The following STK39 variants were observed in gnomAD, a reference collection of about 807,000 sequenced individuals.
STK39 encodes the protein serine/threonine kinase 39.
Under a neutral mutation model 77.8 loss-of-function variants are expected in STK39, and 20 were observed. The observed-to-expected ratio is 0.26, with a 90% CI of 0.18 to 0.37. The LOEUF is 0.37. Ranked by LOEUF, STK39 falls within the 10% of genes least tolerant of loss-of-function variation. The pLI, the probability that STK39 is intolerant of heterozygous loss-of-function variation, is 1.00. For synonymous variants in STK39, 246 were observed against 234.1 expected (o/e 1.05, Z -0.47); for missense variants, 479 against 656.5 (o/e 0.73, Z 2.95).
chr2:168,186,540 A>G (rs1243130898), intron 1 of STK39, among the ~76,000 whole-genome samples: 1 of 152,188 alleles, frequency 6.6e-6, no homozygotes, highest in Admixed American at 6.5e-5. Context: ...GGTTAGTAGG[A>G]GCCTTGAAAA....
intron 10 of STK39, among the ~76,000 whole-genome samples, chr2:168,077,043 CAT>C (rs975418430): frequency 1.3e-5 from 2 of 152,146 alleles, no homozygotes; most frequent in Non-Finnish European, 2.9e-5. Flanking sequence ...CATAGAGAAA[CAT>C]ATGTTAATGA....
intron 5 of STK39, among the ~76,000 whole-genome samples, chr2:168,152,827 T>TA (rs1688325775): frequency 1.3e-5 from 2 of 152,308 alleles, no homozygotes; most frequent in South Asian, 4.1e-4. Flanking sequence ...ATGAACAACT[T>TA]AGATCAAATA....
intron 14 of STK39, among the ~76,000 whole-genome samples, chr2:168,042,880 C>T (rs1685144499): frequency 6.6e-6 from 1 of 152,104 alleles, no homozygotes; most frequent in Admixed American, 6.5e-5. Flanking sequence ...ACCCAGCCAC[C>T]TTCCTTCTAA....
intron 14 of STK39, among the ~76,000 whole-genome samples, chr2:168,032,820 A>G (rs1684862179): frequency 6.6e-6 from 1 of 152,250 alleles, no homozygotes; most frequent in African/African-American, 2.4e-5. Context: ...CCCGATGGGT[A>G]ACATATAGGA....
At chr2:168,189,070 G>A (rs936266369) in intron 1 of STK39, among the ~76,000 whole-genome samples, 11 of 152,056 alleles carry the variant, frequency 7.2e-5, no homozygotes, top group African/African-American at 2.7e-4. Flanking sequence ...AGGGTTGCTG[G>A]AAAAGATTTA....
At chr2:168,160,233 A>T (rs1041842707) in intron 5 of STK39, among the ~76,000 whole-genome samples, 12 of 152,208 alleles carry the variant, frequency 7.9e-5, no homozygotes, top group Non-Finnish European at 1.8e-4. Context: ...AGAAATCATC[A>T]TTTCATCATA....
chr2:168,160,774 T>A (rs558764323), intron 5 of STK39, among the ~76,000 whole-genome samples: 1 of 152,234 alleles, frequency 6.6e-6, no homozygotes, highest in South Asian at 2.1e-4. Context: ...TGCCCACAGA[T>A]GTCTCTTAGC....
At chr2:168,183,200 G>A (rs1689127362) in intron 1 of STK39, among the ~76,000 whole-genome samples, 1 of 151,740 alleles carries the variant, frequency 6.6e-6, no homozygotes, top group Non-Finnish European at 1.5e-5. Flanking sequence ...CCGCCCTGTG[G>A]CCTCATCATC....
intron 1 of STK39, among the ~76,000 whole-genome samples, chr2:168,194,900 T>A (rs1032171939): frequency 1.1e-4 from 16 of 152,186 alleles, no homozygotes; most frequent in African/African-American, 3.9e-4. Context: ...TTGAAACTAC[T>A]TTCTCACAGC....
At chr2:168,237,217 G>GA (rs1423535661) in intron 1 of STK39, among the ~76,000 whole-genome samples, 1 of 152,194 alleles carries the variant, frequency 6.6e-6, no homozygotes, top group Non-Finnish European at 1.5e-5. Context: ...ATTGTGGATG[G>GA]AGTTCACTCA....
chr2:168,206,302 CT>C lies in STK39; in HGVS notation c.209-24213del, dbSNP rs869096206. Among the ~76,000 whole-genome samples, 730 of 141,584 alleles carry C rather than the reference CT, an allele frequency of 5.2e-3. 8 individuals are homozygous for C. Among genetic ancestry groups the C allele is most frequent in the East Asian group, 0.045 (222 of 4,934 alleles). The allele number at this position is 141,584 out of a possible 152,430, so 92.9% of individuals were successfully genotyped here. The stretch of plus-strand genomic sequence containing the variant: ...GATCCAGACTCTTTTTCTTTTCTTT[CT>C]TTTTTTTTTTTTTTGAGACGGGGTT... On this transcript the variant is annotated intron_variant, in intron 1 of 17. Transcript: ENST00000355999.
chr2:168,047,172 T>C (rs1407277134), intron 14 of STK39, among the ~76,000 whole-genome samples: 3 of 152,238 alleles, frequency 2.0e-5, no homozygotes, highest in African/African-American at 7.2e-5. Flanking sequence ...AGATTCTTCT[T>C]AGCTACTTGG....
chr2:168,017,588 T>C (rs1574395496), intron 14 of STK39, among the ~76,000 whole-genome samples: 1 of 151,920 alleles, frequency 6.6e-6, no homozygotes, highest in Non-Finnish European at 1.5e-5. Flanking sequence ...GTGAGGCTGG[T>C]CCCAAACTCC....
chr2:168,100,786 G>A (rs1226785065), intron 10 of STK39, among the ~76,000 whole-genome samples: 1 of 152,150 alleles, frequency 6.6e-6, no homozygotes. Flanking sequence ...AAGCATTGTG[G>A]AAGACAGTGT....
At chr2:168,224,254 G>A (rs1406543511) in intron 1 of STK39, among the ~76,000 whole-genome samples, 1 of 151,942 alleles carries the variant, frequency 6.6e-6, no homozygotes, top group East Asian at 1.9e-4. Flanking sequence ...TATGCTACAA[G>A]ATAACTGATG....
intron 14 of STK39, among the ~76,000 whole-genome samples, chr2:168,028,027 G>A (rs1220465043): frequency 6.6e-6 from 1 of 152,158 alleles, no homozygotes; most frequent in Non-Finnish European, 1.5e-5. Flanking sequence ...AAGTTAAGGT[G>A]ATTTTCTCTG....
chr2:168,104,512 T>C (rs1230513652), intron 10 of STK39, among the ~76,000 whole-genome samples: 1 of 152,192 alleles, frequency 6.6e-6, no homozygotes, highest in Non-Finnish European at 1.5e-5. Flanking sequence ...TAGGGGGAGT[T>C]ACATGTGTGT....
intron 3 of STK39, 133 bp downstream of exon 3, chr2:168,167,166 T>C (rs1688712724): frequency 1.4e-6 from 1 of 728,268 alleles, no homozygotes; most frequent in Non-Finnish European, 2.3e-6. Flanking sequence ...CGTTATCCTC[T>C]AGGCAATGAG....
At chr2:168,005,409 C>G (rs1684106574) in intron 16 of STK39, among the ~76,000 whole-genome samples, 2 of 130,824 alleles carry the variant, frequency 1.5e-5, no homozygotes, top group African/African-American at 3.3e-5. Context: ...TGGGAAAACG[C>G]AGAGAGGAAA....
Sources: gnomAD v4.1 joint callset for allele counts (sites outside exome capture counted in the v4.1 genomes callset) on GRCh38, gnomAD v4.1.1 for gene constraint, MANE v1.5 for transcripts, NCBI Gene and HGNC (gene_info 2026-07-23, HGNC 2026-07-21) for gene names.